The following BRPF3 variants were observed in gnomAD, a reference collection of about 807,000 sequenced individuals.
BRPF3 encodes the protein bromodomain and PHD finger containing 3, also known as bromodomain and PHD finger-containing protein 3.
Under a neutral mutation model 102.0 loss-of-function variants are expected in BRPF3, and 18 were observed. The ratio of observed to expected loss-of-function variants is 0.18; its 90% CI spans 0.12 to 0.26. The LOEUF is 0.26. Among genes scored for constraint, BRPF3 ranks in the 10% least tolerant of loss-of-function variants. The pLI is 1.00. For missense variants in BRPF3, 1,147 were observed against 1,567.8 expected (o/e 0.73, Z 4.53); for synonymous variants, 570 against 614.2 (o/e 0.93, Z 1.06).
chr6:36,197,446 G>A (rs1767540929), intron 1 of BRPF3: 1 of 152,270 alleles, frequency 6.6e-6, no homozygotes, highest in Non-Finnish European at 1.5e-5. Context: ...CCTCTGAGGA[G>A]ATGTTATTTC....
At chr6:36,220,314 G>A (rs142002823) in intron 9 of BRPF3, among the ~76,000 whole-genome samples, 6 of 152,146 alleles carry the variant, frequency 3.9e-5, no homozygotes, top group African/African-American at 9.7e-5. Flanking sequence ...ACTATCCTTC[G>A]TATGACAATA....
At chr6:36,214,516 C>T in intron 8 of BRPF3, 130 bp downstream of exon 8, 1 of 1,137,428 alleles carries the variant, frequency 8.8e-7, no homozygotes, top group Non-Finnish European at 1.2e-6. Context: ...ATTGAGGGCA[C>T]CATAGCTCAC....
At position 36,220,972 on chromosome 6, in the gene BRPF3, G is replaced by A. The variant is rs139852237; in HGVS notation, c.3084-1196G>A. Among the ~76,000 whole-genome samples, 610 of 152,246 alleles carry A rather than the reference G, an allele frequency of 4.0e-3. 2 individuals carry two copies. The highest frequency in any genetic ancestry group is 6.2e-3 in the Non-Finnish European group (420 of 68,000). The stretch of plus-strand genomic sequence containing the variant: ...ACTAGGGGTTTCTTTAAGCATTTCT[G>A]CTTTTCTGCAGATTGATGACCTATT... On this transcript the variant is annotated intron_variant, in intron 9 of 12. Transcript: ENST00000357641.
Position 36,225,479 on chromosome 6 carries a change from G to A in BRPF3, c.3279+115G>A, listed in dbSNP as rs377678526. The A allele has an allele frequency of 1.7e-4, 160 of 946,588 alleles. No individual in the cohort carries two copies. In the Admixed American group the frequency reaches 3.1e-3, roughly 18 times the overall value. 58.6% of individuals were successfully genotyped at this position (946,588 alleles called of 1,614,324 possible). ...AGTCAGAGTGTCTTTAGCTGTAGAG[G>A]GGAGGGGGGTTTTGCCCCAGCCTGA... On this transcript the variant is annotated intron_variant, in intron 11 of 12. Coordinates refer to ENST00000357641, the MANE Select transcript of BRPF3 (RefSeq NM_015695.3).
rs998827941 is a variant in BRPF3, at chr6:36,210,721, T to G, written c.2179+193T>G. ...GGGTTAAAGTTTAACTAATGTACTCTGCACTTCTTAAGTGGTAGAAAAGGG... is the reference window on the plus strand; with the variant it reads ...GGGTTAAAGTTTAACTAATGTACTCGGCACTTCTTAAGTGGTAGAAAAGGG... On this transcript the variant is annotated intron_variant, in intron 6 of 12. Transcript: ENST00000357641. The surrounding 1 kb of genome is among the most constrained non-coding windows in gnomAD (Gnocchi z 4.7). Among the ~76,000 whole-genome samples the G allele has an allele frequency of 1.3e-5, 2 of 152,192 alleles. No homozygotes were observed. Among genetic ancestry groups the G allele is most frequent in the African/African-American group, 4.8e-5 (2 of 41,438 alleles).
At chr6:36,209,993 G>C in intron 5 of BRPF3, 78 bp downstream of exon 5, 4 of 1,571,264 alleles carry the variant, frequency 2.5e-6, no homozygotes, top group Non-Finnish European at 3.5e-6. Flanking sequence ...AAGGAGTTGG[G>C]CCACAGGGTG....
chr6:36,229,390 CAAGAT>C (rs1768856578), intron 12 of BRPF3, among the ~76,000 whole-genome samples: 1 of 152,226 alleles, frequency 6.6e-6, no homozygotes, highest in South Asian at 2.1e-4. Context: ...GGTGGCTCAA[CAAGAT>C]AAGAGATGTC....
Position 36,207,324 on chromosome 6 carries a change from T to C in BRPF3, c.1617T>C (p.Asp539=). The C allele has an allele frequency of 1.2e-6, 2 of 1,613,812 alleles. No individual in the cohort carries two copies. The highest frequency in any genetic ancestry group is 2.7e-5 in the African/African-American group (2 of 74,984). The change falls in exon 4 of 13, where the codon GAT becomes GAC. Residue 539 remains aspartate, a synonymous_variant. Coordinates refer to ENST00000357641, the MANE Select transcript of BRPF3 (RefSeq NM_015695.3). The part of the protein sequence containing the change: ...SQRNAEQREQ[D]EKTSAVKEEL... ...CTTCCCTCCTGTAGCGAGAGCAGGA[T>C]GAGAAGACAAGTGCAGTGAAGGAGG... is the stretch of plus-strand genomic sequence containing the variant.
At chr6:36,228,867 C>T in intron 11 of BRPF3, 35 bp from the exon 12 acceptor site, 1 of 1,612,050 alleles carries the variant, frequency 6.2e-7, no homozygotes. Flanking sequence ...CCCTGGCCTC[C>T]CTCACTGAGT....
intron 9 of BRPF3, among the ~76,000 whole-genome samples, chr6:36,218,606 C>T (rs770456616): frequency 2.6e-5 from 4 of 151,992 alleles, no homozygotes; most frequent in Non-Finnish European, 5.9e-5. Flanking sequence ...AGTATAGGCA[C>T]GTGCCACCAC....
intron 6 of BRPF3, 89 bp from the exon 7 acceptor site, chr6:36,211,169 A>T: frequency 7.2e-7 from 1 of 1,395,800 alleles, no homozygotes; most frequent in Non-Finnish European, 9.7e-7. Context: ...TCCAAGAGAG[A>T]GTTTTGCATC....
At chr6:36,229,118 G>C in intron 12 of BRPF3, 62 bp downstream of exon 12, 1 of 1,574,632 alleles carries the variant, frequency 6.4e-7, no homozygotes, top group Non-Finnish European at 8.6e-7. Context: ...CAGTGGTGCT[G>C]TGCTAGTGAG....
chr6:36,218,144 T>C, intron 9 of BRPF3, 134 bp downstream of exon 9: 1 of 646,940 alleles, frequency 1.5e-6, no homozygotes, highest in Non-Finnish European at 2.6e-6. Flanking sequence ...CTGAGGCCTC[T>C]TATCTGTAAC....
At chr6:36,207,242 G>A (rs368636070) in intron 3 of BRPF3, 71 bp from the exon 4 acceptor site, 259 of 1,570,198 alleles carry the variant, frequency 1.6e-4, no homozygotes, top group South Asian at 4.4e-4. Context: ...CTGCAGCCCC[G>A]TGAGGCTTGA....
At chr6:36,220,956 T>G (rs1368746166) in intron 9 of BRPF3, among the ~76,000 whole-genome samples, 2 of 152,222 alleles carry the variant, frequency 1.3e-5, no homozygotes, top group Non-Finnish European at 2.9e-5. Context: ...CACTAGGGGT[T>G]TCTTTAAGCA....
intron 7 of BRPF3, among the ~76,000 whole-genome samples, chr6:36,213,108 T>A (rs1382819101): frequency 6.6e-6 from 1 of 152,254 alleles, no homozygotes; most frequent in African/African-American, 2.4e-5. Context: ...TAAAATCGAT[T>A]GACAGATGAG....
chr6:36,207,529 C>G, intron 4 of BRPF3, 85 bp downstream of exon 4: 9 of 1,513,284 alleles, frequency 5.9e-6, no homozygotes, highest in Non-Finnish European at 7.1e-6. Flanking sequence ...TCTGGGAGCC[C>G]CTGCCTTATG....
chr6:36,199,694 G>A (rs892228763), intron 1 of BRPF3, among the ~76,000 whole-genome samples: 41 of 152,102 alleles, frequency 2.7e-4, no homozygotes, highest in Admixed American at 2.2e-3. Flanking sequence ...GTTAGCTGTC[G>A]CCCAGCTTTA....
At chr6:36,212,281 T>C (rs966204610) in intron 7 of BRPF3, among the ~76,000 whole-genome samples, 1 of 152,168 alleles carries the variant, frequency 6.6e-6, no homozygotes, top group Non-Finnish European at 1.5e-5. Flanking sequence ...CCCTCATACC[T>C]GCCTTCGGAT....
Sources: allele counts gnomAD v4.1 joint callset (sites outside exome capture counted in the v4.1 genomes callset), GRCh38; gene constraint gnomAD v4.1.1; non-coding constraint Gnocchi (gnomAD v3.1); transcripts MANE v1.5; gene names NCBI Gene and HGNC (gene_info 2026-07-23, HGNC 2026-07-21).